BRINP3: variants seen among roughly 807,000 people sequenced by gnomAD.
The protein encoded by BRINP3 is BMP/retinoic acid-inducible neural-specific protein 3.
In BRINP3, 19 loss-of-function variants were observed where a neutral mutation model predicts 71.0. That is an observed-to-expected ratio of 0.27 (90% CI 0.19 to 0.39). The LOEUF (loss-of-function observed/expected upper bound fraction) is 0.39. Ranked by LOEUF, BRINP3 falls within the 10% of genes least tolerant of loss-of-function variation. The pLI, the probability that BRINP3 is intolerant of heterozygous loss-of-function variation, is 1.00. For missense variants in BRINP3, 959 were observed against 940.8 expected, an observed-to-expected ratio of 1.02 and a Z score of -0.25; for synonymous variants, 380 against 337.7, an observed-to-expected ratio of 1.13 and a Z score of -1.37.
chr1:190,397,342 T>C (rs1013769949), intron 2 of BRINP3, among the ~76,000 whole-genome samples: 2 of 151,962 alleles, frequency 1.3e-5, no homozygotes, highest in Non-Finnish European at 2.9e-5. Flanking sequence ...GCAGGCTCCC[T>C]AAGTAACCAG....
At chr1:190,443,715 T>A (rs1164661780) in intron 2 of BRINP3, among the ~76,000 whole-genome samples, 1 of 152,138 alleles carries the variant, frequency 6.6e-6, no homozygotes, top group Non-Finnish European at 1.5e-5. Flanking sequence ...CAAGATAAAC[T>A]GAGAGGTTTA....
At chr1:190,206,547 A>T (rs184902175) in intron 6 of BRINP3, among the ~76,000 whole-genome samples, 17 of 152,272 alleles carry the variant, frequency 1.1e-4, no homozygotes, top group African/African-American at 4.1e-4. Context: ...TCATGAAAAA[A>T]TACTTAAGAA....
At chr1:190,312,241 A>G (rs1278646139) in intron 2 of BRINP3, among the ~76,000 whole-genome samples, 2 of 151,074 alleles carry the variant, frequency 1.3e-5, no homozygotes, top group Non-Finnish European at 3.0e-5. Flanking sequence ...AAAAACTCCT[A>G]AAATTCTTAC....
chr1:190,140,181 T>G (rs927989417), intron 7 of BRINP3, among the ~76,000 whole-genome samples: 21 of 152,204 alleles, frequency 1.4e-4, no homozygotes, highest in African/African-American at 5.1e-4. Flanking sequence ...TGTGAAACAT[T>G]ACCAGAAGCA....
At chr1:190,308,711 A>G (rs889792020) in intron 2 of BRINP3, among the ~76,000 whole-genome samples, 18 of 152,108 alleles carry the variant, frequency 1.2e-4, no homozygotes, top group African/African-American at 4.1e-4. Flanking sequence ...ATTAAGGAGG[A>G]GAGGAAATGT....
intron 2 of BRINP3, among the ~76,000 whole-genome samples, chr1:190,384,499 T>A (rs942362545): frequency 6.6e-6 from 1 of 151,834 alleles, no homozygotes; most frequent in Non-Finnish European, 1.5e-5. Context: ...TGTAGAAAAC[T>A]ATAAATATTA....
chr1:190,458,978 A>T (rs988147686), intron 1 of BRINP3, among the ~76,000 whole-genome samples: 1 of 151,926 alleles, frequency 6.6e-6, no homozygotes. Flanking sequence ...ACAAAACATT[A>T]AAAACAATAC....
rs186528339 is a variant in BRINP3, at chr1:190,270,792, C to T, written c.428-5737G>A. 3.4e-3 allele frequency among the ~76,000 whole-genome samples: 513 copies of T among 151,644 alleles called. 1 individual carries two copies. The highest frequency in any genetic ancestry group is 0.012 in the African/African-American group (491 of 41,446). ...CCAATACTATAGCTAAAATAAAGCTCTAAAGGATTCGGCTATTCCCAGATG... is the reference window on the plus strand; with the variant it reads ...CCAATACTATAGCTAAAATAAAGCTTTAAAGGATTCGGCTATTCCCAGATG... On this transcript the variant is annotated intron_variant, in intron 3 of 7. Coordinates refer to ENST00000367462, the MANE Select transcript of BRINP3 (RefSeq NM_199051.3).
intron 5 of BRINP3, among the ~76,000 whole-genome samples, chr1:190,227,195 A>C (rs1025134511): frequency 6.6e-6 from 1 of 151,902 alleles, no homozygotes; most frequent in African/African-American, 2.4e-5. Flanking sequence ...ACTTACCAGA[A>C]AACTGAATTT....
chr1:190,171,725 TTGAG>T (rs1372515608), intron 6 of BRINP3, among the ~76,000 whole-genome samples: 1 of 152,144 alleles, frequency 6.6e-6, no homozygotes, highest in Non-Finnish European at 1.5e-5. Flanking sequence ...ACTAGCCACA[TTGAG>T]TATCTCTACA....
At chr1:190,334,272 G>T (rs1260745974) in intron 2 of BRINP3, among the ~76,000 whole-genome samples, 3 of 151,684 alleles carry the variant, frequency 2.0e-5, no homozygotes, top group Admixed American at 1.3e-4. Flanking sequence ...CCCACGCTAC[G>T]TTCAAGGAAC....
intron 5 of BRINP3, among the ~76,000 whole-genome samples, chr1:190,229,313 A>ATGGG (rs1255734503): frequency 2.6e-5 from 4 of 151,918 alleles, no homozygotes; most frequent in African/African-American, 4.8e-5. Flanking sequence ...GGTTTTATAA[A>ATGGG]TGGGACCTCC....
At chr1:190,138,616 G>A (rs1461060943) in intron 7 of BRINP3, among the ~76,000 whole-genome samples, 2 of 152,100 alleles carry the variant, frequency 1.3e-5, no homozygotes, top group African/African-American at 4.8e-5. Context: ...GGGTTTGAGG[G>A]AGAAATAATT....
intron 2 of BRINP3, among the ~76,000 whole-genome samples, chr1:190,324,809 T>G (rs528443469): frequency 2.6e-5 from 4 of 151,980 alleles, no homozygotes; most frequent in African/African-American, 9.6e-5. Flanking sequence ...GTGAAATAAA[T>G]TACCCGTAAT....
chr1:190,247,286 A>C (rs766218099), intron 4 of BRINP3, among the ~76,000 whole-genome samples: 3 of 151,916 alleles, frequency 2.0e-5, no homozygotes, highest in Non-Finnish European at 4.4e-5. Context: ...AAAATAATTT[A>C]CCTGCAATAC....
chr1:190,132,281 A>T (rs10920591), intron 7 of BRINP3, among the ~76,000 whole-genome samples: 8,005 of 152,052 alleles, frequency 0.053, 706 homozygotes, highest in African/African-American at 0.18. Context: ...TTATAACTTC[A>T]TTGTGAAACT....
chr1:190,333,592 T>A (rs1395510260), intron 2 of BRINP3, among the ~76,000 whole-genome samples: 1 of 151,964 alleles, frequency 6.6e-6, no homozygotes, highest in Non-Finnish European at 1.5e-5. Flanking sequence ...TGGCATCACC[T>A]TGTAAAGACA....
At chr1:190,325,683 AGT>A (rs768521094) in intron 2 of BRINP3, among the ~76,000 whole-genome samples, 1 of 152,112 alleles carries the variant, frequency 6.6e-6, no homozygotes, top group Non-Finnish European at 1.5e-5. Flanking sequence ...TTCAGAAGAC[AGT>A]TGTATAATAT....
At chr1:190,296,158 T>A (rs1271559531) in intron 2 of BRINP3, among the ~76,000 whole-genome samples, 2 of 151,856 alleles carry the variant, frequency 1.3e-5, no homozygotes, top group Non-Finnish European at 2.9e-5. Flanking sequence ...CTATATTTTA[T>A]TCTTGAAGTT....
Sources: gnomAD v4.1 joint callset for allele counts (sites outside exome capture counted in the v4.1 genomes callset) on GRCh38, gnomAD v4.1.1 for gene constraint, MANE v1.5 for transcripts, NCBI Gene and HGNC (gene_info 2026-07-23, HGNC 2026-07-21) for gene names.